Variants in OPRM1 observed in about 807,000 individuals in gnomAD.
OPRM1 encodes opioid receptor mu 1.
A neutral mutation model predicts 31.8 loss-of-function variants in OPRM1; 27 were observed. The observed-to-expected ratio is 0.85, with a 90% CI of 0.63 to 1.17. The LOEUF is 1.17. Among genes scored for constraint, OPRM1 ranks in the 50% most tolerant of loss-of-function variants. The pLI, the probability that OPRM1 is intolerant of heterozygous loss-of-function variation, is 0.00. For synonymous variants in OPRM1, 196 were observed against 189.9 expected, an observed-to-expected ratio of 1.03 and a Z score of -0.26; for missense variants, 536 against 511.1, an observed-to-expected ratio of 1.05 and a Z score of -0.47.
At chr6:154,149,027 A>G (rs1798427561) in intron 3 of OPRM1, among the ~76,000 whole-genome samples, 1 of 152,234 alleles carries the variant, frequency 6.6e-6, no homozygotes, top group Non-Finnish European at 1.5e-5. Flanking sequence ...TTGCCCAAGT[A>G]AATGGTTATA....
intron 3 of OPRM1, chr6:154,222,903 A>G (rs1330647513): frequency 6.3e-6 from 3 of 479,474 alleles, no homozygotes; most frequent in Non-Finnish European, 1.1e-5. Context: ...GAGGGGGTTT[A>G]TTCCATCACA....
At chr6:154,149,862 T>C (rs1798453602) in intron 3 of OPRM1, among the ~76,000 whole-genome samples, 1 of 152,148 alleles carries the variant, frequency 6.6e-6, no homozygotes, top group Admixed American at 6.5e-5. Context: ...ATTCCAGAAT[T>C]CTGTTATCCC....
At position 154,039,725 on chromosome 6, in the gene OPRM1, C is replaced by T; in HGVS notation, c.181C>T (p.Pro61Ser). Residue 61 changes from proline (P) to serine (S), a missense_variant, in exon 1 of 4, where the codon CCG becomes TCG. Transcript: ENST00000330432. ...DLGGRDSLCP[P>S]TGSPSMITAI... ...GGGCGGGAGAGACAGCCTGTGCCCTCCGACCGGCAGTCCCTCCATGATCAC... is the reference window on the plus strand; with the variant it reads ...GGGCGGGAGAGACAGCCTGTGCCCTTCGACCGGCAGTCCCTCCATGATCAC... The T allele has an allele frequency of 6.2e-7, 1 of 1,611,410 alleles. No homozygotes were observed. The highest frequency in any genetic ancestry group is 1.1e-5 in the South Asian group (1 of 91,070).
intron 3 of OPRM1, among the ~76,000 whole-genome samples, chr6:154,241,253 A>G (rs1023237917): frequency 7.9e-4 from 119 of 150,760 alleles, no homozygotes; most frequent in Middle Eastern, 3.4e-3. Context: ...AAAAAAAAAA[A>G]AGAGAGAGAG....
At chr6:154,093,514 G>C in intron 3 of OPRM1, 1 of 1,595,272 alleles carries the variant, frequency 6.3e-7, no homozygotes, top group Non-Finnish European at 8.5e-7. Flanking sequence ...TTTCACATCA[G>C]TATGGCTATT....
intron 3 of OPRM1, among the ~76,000 whole-genome samples, chr6:154,245,298 T>A (rs1456650160): frequency 6.6e-5 from 10 of 150,520 alleles, no homozygotes; most frequent in African/African-American, 2.5e-5. Flanking sequence ...AAAAAAAAAA[T>A]GTATTTTTAT....
At chr6:154,112,444 G>A (rs1796458376) in intron 3 of OPRM1, among the ~76,000 whole-genome samples, 1 of 152,180 alleles carries the variant, frequency 6.6e-6, no homozygotes, top group Non-Finnish European at 1.5e-5. Context: ...AACCCAAATT[G>A]CTGCTACACA....
At chr6:154,143,375 A>G (rs1206714247) in intron 3 of OPRM1, among the ~76,000 whole-genome samples, 1 of 152,182 alleles carries the variant, frequency 6.6e-6, no homozygotes, top group Admixed American at 6.5e-5. Context: ...CTCCTTGACC[A>G]CTACAGCACA....
chr6:154,087,136 A>C (rs1790776777), intron 1 of OPRM1: 2 of 985,322 alleles, frequency 2.0e-6, no homozygotes, highest in South Asian at 9.4e-5. Context: ...GTCCAAAAAA[A>C]AGCCCCCAAG....
intron 3 of OPRM1, among the ~76,000 whole-genome samples, chr6:154,096,876 A>G (rs887768069): frequency 1.3e-5 from 2 of 152,200 alleles, no homozygotes; most frequent in African/African-American, 4.8e-5. Flanking sequence ...AGTTCTTAAG[A>G]ACTGCTCTAA....
chr6:154,090,663 C>T (rs1006904496), intron 2 of OPRM1, among the ~76,000 whole-genome samples: 4 of 152,090 alleles, frequency 2.6e-5, no homozygotes, highest in Non-Finnish European at 4.4e-5. Flanking sequence ...CAATATAGAC[C>T]TCATGGAGGA....
intron 1 of OPRM1, among the ~76,000 whole-genome samples, chr6:154,080,477 G>C (rs1473515427): frequency 2.6e-5 from 4 of 152,178 alleles, no homozygotes; most frequent in African/African-American, 9.7e-5. Context: ...ATTTCCCACA[G>C]ATTGGCTTCT....
chr6:154,244,425 A>C (rs894256269), intron 3 of OPRM1, among the ~76,000 whole-genome samples: 2 of 152,050 alleles, frequency 1.3e-5, no homozygotes, highest in Admixed American at 6.6e-5. Flanking sequence ...ATAGTTCCCT[A>C]GCCAGATAGC....
At chr6:154,093,992 G>C (rs1313343396) in intron 3 of OPRM1, among the ~76,000 whole-genome samples, 4 of 152,206 alleles carry the variant, frequency 2.6e-5, no homozygotes, top group Non-Finnish European at 5.9e-5. Flanking sequence ...AATCCAGAAT[G>C]TGATAAACAG....
chr6:154,209,532 A>C (rs960921784), intron 3 of OPRM1, among the ~76,000 whole-genome samples: 1 of 151,948 alleles, frequency 6.6e-6, no homozygotes, highest in Admixed American at 6.6e-5. Context: ...CTGTAGTCCC[A>C]GCTACTCGGG....
chr6:154,220,422 C>T (rs1778770618), intron 3 of OPRM1, among the ~76,000 whole-genome samples: 1 of 152,094 alleles, frequency 6.6e-6, no homozygotes, highest in African/African-American at 2.4e-5. Context: ...TTTGAGAGGC[C>T]GAGGTGGGTG....
At chr6:154,213,308 T>C (rs1351932101) in intron 3 of OPRM1, 1 of 161,340 alleles carries the variant, frequency 6.2e-6, no homozygotes, top group Non-Finnish European at 1.4e-5. Flanking sequence ...CTACAAGATA[T>C]GGCAGAAAAC....
intron 1 of OPRM1, among the ~76,000 whole-genome samples, chr6:154,045,656 A>G (rs1358792724): frequency 6.6e-6 from 1 of 152,206 alleles, no homozygotes; most frequent in African/African-American, 2.4e-5. Flanking sequence ...TCAGCCGTTG[A>G]TATGGCAGTC....
intron 3 of OPRM1, among the ~76,000 whole-genome samples, chr6:154,197,409 C>T (rs1776702660): frequency 6.6e-6 from 1 of 152,110 alleles, no homozygotes; most frequent in African/African-American, 2.4e-5. Context: ...ACCAAATCCC[C>T]AGCAGCAGAA....
Sources: gnomAD v4.1 joint callset for allele counts (sites outside exome capture counted in the v4.1 genomes callset) on GRCh38, gnomAD v4.1.1 for gene constraint, MANE v1.5 for transcripts, NCBI Gene and HGNC (gene_info 2026-07-23, HGNC 2026-07-21) for gene names.